Variants in USP32 observed in about 807,000 individuals in gnomAD.
USP32 encodes the protein ubiquitin specific peptidase 32.
Under a neutral mutation model 204.8 loss-of-function variants are expected in USP32, and 59 were observed. That is an observed-to-expected ratio of 0.29 (90% CI 0.23 to 0.36). USP32 has a LOEUF of 0.36. Among genes scored for constraint, USP32 ranks in the 10% least tolerant of loss-of-function variants. USP32 has a pLI of 1.00. For synonymous variants in USP32, 517 were observed against 678.4 expected (o/e 0.76, Z 3.70); for missense variants, 1,160 against 1,946.4 (o/e 0.60, Z 7.60).
intron 14 of USP32, among the ~76,000 whole-genome samples, chr17:60,222,902 A>T (rs547176383): frequency 1.3e-5 from 2 of 151,930 alleles, no homozygotes; most frequent in South Asian, 2.1e-4. Context: ...GGCTGGTCTC[A>T]AACTCCTAAC....
In USP32 at chr17:60,247,522, T is replaced by C. The variant is rs374936210; in HGVS notation, c.1136+4859A>G. On this transcript the variant is annotated intron_variant, in intron 11 of 33. Coordinates refer to ENST00000300896, the MANE Select transcript of USP32 (RefSeq NM_032582.4). ...TTTGATTTTAGTGTATGGTAAGAAATTGGGAACTGGTTTCATTCTTCTGCA... is the reference window on the plus strand; with the variant it reads ...TTTGATTTTAGTGTATGGTAAGAAACTGGGAACTGGTTTCATTCTTCTGCA... Among the ~76,000 whole-genome samples, 200 of 152,228 alleles carry C rather than the reference T, an allele frequency of 1.3e-3. 1 individual carries two copies. Among genetic ancestry groups the C allele is most frequent in the African/African-American group, 4.5e-3 (187 of 41,550 alleles).
chr17:60,177,818 T>C lies in USP32; in HGVS notation c.*1437A>G, dbSNP rs1046360682. On this transcript the variant is annotated 3_prime_UTR_variant, in exon 34 of 34. Coordinates refer to ENST00000300896, the MANE Select transcript of USP32 (RefSeq NM_032582.4). ...CCTCAGATATCAGAACACAAATACT[T>C]AGTTACATTGGTAATTACTATCTAT... is the stretch of plus-strand genomic sequence containing the variant. Among the ~76,000 whole-genome samples, 5 of 152,190 alleles carry C rather than the reference T, an allele frequency of 3.3e-5. No individual in the cohort carries two copies. In the South Asian group the frequency reaches 1.0e-3, roughly 32 times the overall value.
chr17:60,287,084 AG>A (rs1367379340), intron 5 of USP32, among the ~76,000 whole-genome samples: 7 of 152,188 alleles, frequency 4.6e-5, no homozygotes, highest in Non-Finnish European at 8.8e-5. Flanking sequence ...TGGGAGGTGG[AG>A]GTTGCAGTGA....
intron 1 of USP32, among the ~76,000 whole-genome samples, chr17:60,385,020 C>T (rs2089705721): frequency 6.6e-6 from 1 of 152,198 alleles, no homozygotes; most frequent in South Asian, 2.1e-4. Context: ...CTGTGACCTG[C>T]ACAATACATT....
chr17:60,255,400 C>A (rs772351398), intron 9 of USP32, 142 bp from the exon 10 acceptor site: 4 of 555,908 alleles, frequency 7.2e-6, no homozygotes, highest in African/African-American at 3.9e-5. Context: ...TGGGTGCAAG[C>A]GATTCTCCTG....
intron 1 of USP32, among the ~76,000 whole-genome samples, chr17:60,414,320 G>GCA (rs2090043322): frequency 6.6e-6 from 1 of 151,556 alleles, no homozygotes; most frequent in African/African-American, 2.4e-5. Context: ...CTGAGATCAT[G>GCA]CCACTGCACT....
chr17:60,298,983 T>C (rs890829178), intron 3 of USP32, among the ~76,000 whole-genome samples: 1 of 151,986 alleles, frequency 6.6e-6, no homozygotes, highest in African/African-American at 2.4e-5. Flanking sequence ...AGAAAATAAA[T>C]TAGCTAGGCA....
At chr17:60,282,744 G>A (rs1451647161) in intron 5 of USP32, among the ~76,000 whole-genome samples, 3 of 152,060 alleles carry the variant, frequency 2.0e-5, no homozygotes, top group African/African-American at 7.2e-5. Flanking sequence ...TTCTCCCCTT[G>A]GTATGGCTTT....
intron 27 of USP32, among the ~76,000 whole-genome samples, chr17:60,193,298 T>G (rs1412414886): frequency 6.6e-6 from 1 of 152,234 alleles, no homozygotes; most frequent in African/African-American, 2.4e-5. Flanking sequence ...ATTAGATCTT[T>G]CCATGACAAG....
chr17:60,422,002 A>C (rs1214963208), intron 1 of USP32: 3 of 933,986 alleles, frequency 3.2e-6, no homozygotes, highest in Admixed American at 6.3e-5. Flanking sequence ...AAACACACAC[A>C]TCCCACCCAG....
chr17:60,234,440 T>G (rs1337427031), intron 12 of USP32, among the ~76,000 whole-genome samples: 2 of 150,986 alleles, frequency 1.3e-5, no homozygotes, highest in South Asian at 4.2e-4. Flanking sequence ...AAAAAAAATT[T>G]TTTTGGACCG....
intron 2 of USP32, among the ~76,000 whole-genome samples, chr17:60,327,930 A>G (rs1482090626): frequency 6.6e-6 from 1 of 152,250 alleles, no homozygotes; most frequent in East Asian, 1.9e-4. Flanking sequence ...TTGGGCACCA[A>G]AAAGCAAGAT....
At position 60,208,742 on chromosome 17, in the gene USP32, T is replaced by C. The variant is rs142660599; in HGVS notation, c.2685A>G (p.Thr895=). 1.3e-4 allele frequency: 209 copies of C among 1,607,784 alleles called. No individual in the cohort carries two copies. The highest frequency in any genetic ancestry group is 1.7e-4 in the Non-Finnish European group (200 of 1,177,776). ...GQLRSQVKCK[T]CGHISVRFDP... ...CAAATCGGACACTTATATGCCCACATGTCTTGCATTTTACTTGAGATCTTA... is the reference window on the plus strand; with the variant it reads ...CAAATCGGACACTTATATGCCCACACGTCTTGCATTTTACTTGAGATCTTA... The change falls in exon 23 of 34, where the codon ACA becomes ACG. Residue 895 remains threonine, a synonymous_variant. Transcript: ENST00000300896.
At chr17:60,380,569 TAAGAG>T (rs1192482373) in intron 1 of USP32, among the ~76,000 whole-genome samples, 3 of 152,114 alleles carry the variant, frequency 2.0e-5, no homozygotes, top group South Asian at 2.1e-4. Context: ...TCATTCCAGA[TAAGAG>T]AAATCACAGA....
At chr17:60,315,316 C>T (rs2087947347) in intron 2 of USP32, among the ~76,000 whole-genome samples, 1 of 152,200 alleles carries the variant, frequency 6.6e-6, no homozygotes, top group South Asian at 2.1e-4. Context: ...AGGAGAATGG[C>T]TTGAACCCGG....
At chr17:60,279,661 A>G (rs1370657796) in intron 5 of USP32, among the ~76,000 whole-genome samples, 1 of 151,066 alleles carries the variant, frequency 6.6e-6, no homozygotes, top group Non-Finnish European at 1.5e-5. Flanking sequence ...ACATGGTAAA[A>G]CCCCTTCTCT....
intron 26 of USP32, among the ~76,000 whole-genome samples, chr17:60,201,921 T>C (rs1316799613): frequency 6.6e-6 from 1 of 152,242 alleles, no homozygotes; most frequent in Non-Finnish European, 1.5e-5. Flanking sequence ...CCTCTCAAAG[T>C]GCTGGGATTA....
At chr17:60,286,837 C>G (rs1472736894) in intron 5 of USP32, among the ~76,000 whole-genome samples, 4 of 152,146 alleles carry the variant, frequency 2.6e-5, no homozygotes, top group Non-Finnish European at 5.9e-5. Context: ...CAATGCTCAC[C>G]ATCCTTCTTT....
At chr17:60,381,376 G>T (rs1456386226) in intron 1 of USP32, among the ~76,000 whole-genome samples, 1 of 151,896 alleles carries the variant, frequency 6.6e-6, no homozygotes, top group Non-Finnish European at 1.5e-5. Context: ...AGGAAGTAGA[G>T]GCTGCAGTGA....
Sources: gnomAD v4.1 joint callset for allele counts (sites outside exome capture counted in the v4.1 genomes callset) on GRCh38, gnomAD v4.1.1 for gene constraint, MANE v1.5 for transcripts, NCBI Gene and HGNC (gene_info 2026-07-23, HGNC 2026-07-21) for gene names.